Variants in PIK3C2A observed in about 807,000 individuals in gnomAD.
The protein encoded by PIK3C2A is phosphatidylinositol 4-phosphate 3-kinase C2 domain-containing subunit alpha.
A neutral mutation model predicts 204.5 loss-of-function variants in PIK3C2A; 97 were observed. That is an observed-to-expected ratio of 0.47 (90% CI 0.40 to 0.56). PIK3C2A has a LOEUF of 0.56. Ranked by LOEUF, PIK3C2A falls within the 20% of genes least tolerant of loss-of-function variation. The pLI is 0.00. For missense variants in PIK3C2A, 1,735 were observed against 1,969.2 expected, an observed-to-expected ratio of 0.88 and a Z score of 2.25; for synonymous variants, 653 against 664.4, an observed-to-expected ratio of 0.98 and a Z score of 0.26.
chr11:17,136,398 A>G, intron 9 of PIK3C2A, 84 bp downstream of exon 9: 1 of 1,006,228 alleles, frequency 9.9e-7, no homozygotes, highest in Non-Finnish European at 1.5e-6. Context: ...TAAAATGACA[A>G]TATTTTGTCT....
At chr11:17,136,877 T>C (rs1036670149) in intron 8 of PIK3C2A, among the ~76,000 whole-genome samples, 1 of 152,216 alleles carries the variant, frequency 6.6e-6, no homozygotes, top group Admixed American at 6.5e-5. Flanking sequence ...TACATTAGAA[T>C]CAGAAGTAGA....
At chr11:17,118,442 G>C (rs999394929) in intron 18 of PIK3C2A, among the ~76,000 whole-genome samples, 1 of 152,064 alleles carries the variant, frequency 6.6e-6, no homozygotes, top group Non-Finnish European at 1.5e-5. Context: ...TTATTACAGA[G>C]CTATAAGACA....
intron 28 of PIK3C2A, among the ~76,000 whole-genome samples, chr11:17,093,799 G>A (rs1057273923): frequency 6.6e-6 from 1 of 151,892 alleles, no homozygotes. Context: ...CACCAGCCCA[G>A]CTAATTTTTG....
In PIK3C2A at chr11:17,150,495, T is replaced by C. The variant is rs1850390703; in HGVS notation, c.1327+3A>G. On this transcript the variant is annotated splice_donor_region_variant and intron_variant, in intron 4 of 32. Transcript: ENST00000691414. ...CGAGAGGCTTGAGGAACCATAAACC[T>C]ACCATCACACGTAAAAGTAACTGGT... 2.5e-6 allele frequency: 4 copies of C among 1,598,846 alleles called. No homozygotes were observed. Among genetic ancestry groups the C allele is most frequent in the Non-Finnish European group, 3.4e-6 (4 of 1,173,620 alleles).
At chr11:17,172,656 C>A (rs1448466434) in intron 1 of PIK3C2A, among the ~76,000 whole-genome samples, 1 of 152,238 alleles carries the variant, frequency 6.6e-6, no homozygotes, top group Non-Finnish European at 1.5e-5. Context: ...TAACTTCCAC[C>A]ACCACCTTCC....
intron 1 of PIK3C2A, among the ~76,000 whole-genome samples, chr11:17,183,195 C>T (rs566662869): frequency 6.6e-6 from 1 of 152,236 alleles, no homozygotes; most frequent in Non-Finnish European, 1.5e-5. Flanking sequence ...TGCAGTAGTT[C>T]CCCCTTATCC....
At chr11:17,121,621 G>A (rs1849370551) in intron 15 of PIK3C2A, among the ~76,000 whole-genome samples, 1 of 152,058 alleles carries the variant, frequency 6.6e-6, no homozygotes, top group Non-Finnish European at 1.5e-5. Context: ...CCCATTTTAT[G>A]TATCCTTATC....
At chr11:17,172,146 C>T (rs191534539) in intron 1 of PIK3C2A, among the ~76,000 whole-genome samples, 1 of 152,150 alleles carries the variant, frequency 6.6e-6, no homozygotes, top group African/African-American at 2.4e-5. Context: ...CATACTCCCA[C>T]TACTTGGGAT....
intron 2 of PIK3C2A, 44 bp from the exon 3 acceptor site, chr11:17,155,673 CA>C: frequency 9.5e-7 from 1 of 1,057,820 alleles, no homozygotes; most frequent in Non-Finnish European, 1.5e-6. Flanking sequence ...GGAAGATCCA[CA>C]AAATGCTACA....
intron 19 of PIK3C2A, chr11:17,115,689 C>T (rs1195358441): frequency 6.6e-6 from 1 of 151,914 alleles, no homozygotes; most frequent in African/African-American, 2.4e-5. Context: ...ATTTGCATGT[C>T]ATCGTAGTGT....
chr11:17,177,914 G>A (rs1477895386), intron 1 of PIK3C2A, among the ~76,000 whole-genome samples: 1 of 151,938 alleles, frequency 6.6e-6, no homozygotes. Flanking sequence ...CCAGTATGGT[G>A]AAACCTTGTC....
chr11:17,159,932 T>C (rs1442499119), intron 2 of PIK3C2A, among the ~76,000 whole-genome samples: 1 of 152,152 alleles, frequency 6.6e-6, no homozygotes, highest in Admixed American at 6.5e-5. Context: ...CCCCTTACTT[T>C]TGGGAGGGTC....
At chr11:17,136,726 A>C (rs958627688) in intron 8 of PIK3C2A, 101 bp from the exon 9 acceptor site, 2 of 608,808 alleles carry the variant, frequency 3.3e-6, no homozygotes, top group African/African-American at 3.7e-5. Context: ...TCCCTAACAG[A>C]TATCCTCTAC....
In PIK3C2A at chr11:17,089,075, G is replaced by A. The variant is rs1848223464; in HGVS notation, c.*663C>T. 6.6e-6 allele frequency: 1 copy of A among 152,050 alleles called. No individual in the cohort carries two copies. Among genetic ancestry groups the A allele is most frequent in the Non-Finnish European group, 1.5e-5 (1 of 68,008 alleles). 9.4% of individuals were successfully genotyped at this position (152,050 alleles called of 1,614,324 possible). A position where few individuals can be genotyped will look rare whatever the true frequency, so the allele number is the denominator to read the frequency against. On this transcript the variant is annotated 3_prime_UTR_variant, in exon 33 of 33. Coordinates refer to ENST00000691414, the MANE Select transcript of PIK3C2A (RefSeq NM_002645.4). ...ATGTACTAATTATTTATCAAATCAG[G>A]AAAAAAATCAGAAACGAAGTGCCAG...
intron 19 of PIK3C2A, 93 bp from the exon 20 acceptor site, chr11:17,114,558 C>A: frequency 1.6e-6 from 1 of 630,038 alleles, no homozygotes; most frequent in South Asian, 2.2e-5. Context: ...TATAAAATGC[C>A]CAGTTGTCAA....
intron 2 of PIK3C2A, among the ~76,000 whole-genome samples, chr11:17,157,321 G>A (rs1421302385): frequency 3.3e-5 from 5 of 152,028 alleles, no homozygotes; most frequent in South Asian, 2.1e-4. Flanking sequence ...TTAGCCAGGC[G>A]TGGTGGCAAG....
At chr11:17,179,634 G>A (rs898198096) in intron 1 of PIK3C2A, among the ~76,000 whole-genome samples, 4 of 152,074 alleles carry the variant, frequency 2.6e-5, no homozygotes, top group African/African-American at 9.7e-5. Context: ...TTTAAAAATA[G>A]AGACAAGGTC....
intron 24 of PIK3C2A, 56 bp downstream of exon 24, chr11:17,102,606 T>C: frequency 7.0e-7 from 1 of 1,425,058 alleles, no homozygotes; most frequent in South Asian, 1.3e-5. Context: ...GAGACAAACT[T>C]TAATTTGTGA....
At chr11:17,158,537 T>C (rs767838453) in intron 2 of PIK3C2A, among the ~76,000 whole-genome samples, 21 of 152,020 alleles carry the variant, frequency 1.4e-4, no homozygotes, top group Non-Finnish European at 1.9e-4. Context: ...AGGCAGAGTG[T>C]GAATTTCAAC....
Sources: allele counts gnomAD v4.1 joint callset (sites outside exome capture counted in the v4.1 genomes callset), GRCh38; gene constraint gnomAD v4.1.1; transcripts MANE v1.5; gene names NCBI Gene and HGNC (gene_info 2026-07-23, HGNC 2026-07-21).